The following PSMB5 variants were observed in gnomAD, a reference collection of about 807,000 sequenced individuals.
The protein encoded by PSMB5 is proteasome subunit beta type-5.
PSMB5 carries 2 observed loss-of-function variants against 22.8 expected under a neutral mutation model. The ratio of observed to expected loss-of-function variants is 0.09; its 90% CI spans 0.04 to 0.28. PSMB5 has a LOEUF of 0.28. Among genes scored for constraint, PSMB5 ranks in the 10% least tolerant of loss-of-function variants. The pLI, the probability that PSMB5 is intolerant of heterozygous loss-of-function variation, is 1.00. For missense variants in PSMB5, 269 were observed against 343.8 expected, an observed-to-expected ratio of 0.78 and a Z score of 1.72; for synonymous variants, 133 against 135.3, an observed-to-expected ratio of 0.98 and a Z score of 0.12.
intron 2 of PSMB5, chr14:23,027,872 A>C (rs940229643): frequency 1.4e-6 from 2 of 1,462,074 alleles, no homozygotes; most frequent in Admixed American, 4.0e-5. Flanking sequence ...GGCCAGGCGC[A>C]GTGGCTCAAA....
intron 1 of PSMB5, 40 bp from the exon 2 acceptor site, chr14:23,033,714 G>A: frequency 6.4e-7 from 1 of 1,564,332 alleles, no homozygotes; most frequent in Non-Finnish European, 8.7e-7. Context: ...GGCCACATAA[G>A]ACCACAAAAA....
intron 1 of PSMB5, chr14:23,034,479 C>T: frequency 1.6e-6 from 1 of 614,492 alleles, no homozygotes; most frequent in Non-Finnish European, 2.8e-6. Context: ...GACTTACCCC[C>T]GGCCCCACCG....
chr14:23,027,375 T>C (rs1178552981), intron 2 of PSMB5, among the ~76,000 whole-genome samples: 28 of 135,736 alleles, frequency 2.1e-4, no homozygotes, highest in Non-Finnish European at 3.9e-4. Flanking sequence ...AGCAAGACTT[T>C]GTCTCAAAAA....
intron 2 of PSMB5, among the ~76,000 whole-genome samples, chr14:23,028,834 G>A (rs190115350): frequency 6.6e-6 from 1 of 152,154 alleles, no homozygotes; most frequent in African/African-American, 2.4e-5. Flanking sequence ...CTGCCTACTG[G>A]ATCCCTCCAG....
chr14:23,034,141 A>C (rs1359957004), intron 1 of PSMB5, among the ~76,000 whole-genome samples: 2 of 151,898 alleles, frequency 1.3e-5, no homozygotes, highest in African/African-American at 4.8e-5. Flanking sequence ...AAAAAAAAAA[A>C]CAAATCATTT....
At chr14:23,033,211 T>C (rs2046966392) in intron 2 of PSMB5, among the ~76,000 whole-genome samples, 157 bp downstream of exon 2, 1 of 149,502 alleles carries the variant, frequency 6.7e-6, no homozygotes, top group Non-Finnish European at 1.5e-5. Context: ...TGAGACACAG[T>C]CTAAAAAAAC....
At chr14:23,027,711 A>C (rs967061398) in intron 2 of PSMB5, 1 of 1,449,210 alleles carries the variant, frequency 6.9e-7, no homozygotes, top group African/African-American at 1.4e-5. Flanking sequence ...TCTACAACAT[A>C]CCACCCCATC....
chr14:23,033,067 G>T (rs974688446), intron 2 of PSMB5, among the ~76,000 whole-genome samples: 12 of 150,490 alleles, frequency 8.0e-5, no homozygotes, highest in Non-Finnish European at 1.0e-4. Flanking sequence ...CCACCACGCC[G>T]GGCTAATTTT....
intron 2 of PSMB5, chr14:23,027,885 C>T (rs1281061687): frequency 2.0e-5 from 27 of 1,380,618 alleles, no homozygotes; most frequent in Non-Finnish European, 2.2e-5. Context: ...GGCTCAAACC[C>T]GTAATCCCAG....
chr14:23,029,276 G>C (rs1036869035), intron 2 of PSMB5, among the ~76,000 whole-genome samples: 1 of 148,328 alleles, frequency 6.7e-6, no homozygotes, highest in East Asian at 1.9e-4. Flanking sequence ...CTTGCCTAGA[G>C]GGGGGTCATC....
chr14:23,028,648 A>T (rs1257923981), intron 2 of PSMB5, among the ~76,000 whole-genome samples: 1 of 152,172 alleles, frequency 6.6e-6, no homozygotes, highest in African/African-American at 2.4e-5. Flanking sequence ...ATGTTATTGG[A>T]ACAGAGCCAC....
intron 2 of PSMB5, among the ~76,000 whole-genome samples, chr14:23,029,996 T>C (rs576006587): frequency 2.0e-5 from 3 of 151,980 alleles, no homozygotes; most frequent in African/African-American, 7.2e-5. Context: ...TTAGCCAGGA[T>C]GGTCTCGATC....
At position 23,026,277 on chromosome 14, in the gene PSMB5, A is replaced by G; in HGVS notation, c.604T>C (p.Tyr202His). Reference sequence around the variant, plus strand: ...TGCTCCACTTCCAGGTCATAGGAATAGCCCCGATCCATGACCCCATATGCA... The same window carrying G: ...TGCTCCACTTCCAGGTCATAGGAATGGCCCCGATCCATGACCCCATATGCA... ...VYAYGVMDRG[Y>H]SYDLEVEQAY... The change falls in exon 3 of 3, where the codon TAT becomes CAT. Residue 202 changes from tyrosine (Y) to histidine (H), a missense_variant. Tyr to His is a moderately conservative substitution (Grantham distance 83, BLOSUM62 2). Coordinates refer to ENST00000361611, the MANE Select transcript of PSMB5 (RefSeq NM_002797.5). 6.2e-7 allele frequency: 1 copy of G among 1,614,112 alleles called. No individual in the cohort carries two copies. The highest frequency in any genetic ancestry group is 1.7e-5 in the Admixed American group (1 of 60,012).
At chr14:23,029,126 C>T (rs1387560634) in intron 2 of PSMB5, among the ~76,000 whole-genome samples, 2 of 152,078 alleles carry the variant, frequency 1.3e-5, no homozygotes, top group East Asian at 1.9e-4. Context: ...AGGTATGGAA[C>T]TTGTTTTTTA....
chr14:23,027,787 TAC>T, intron 2 of PSMB5: 1 of 1,548,604 alleles, frequency 6.5e-7, no homozygotes, highest in Non-Finnish European at 8.7e-7. Context: ...ACAAAACAAG[TAC>T]ATTCCAAATG....
intron 2 of PSMB5, among the ~76,000 whole-genome samples, chr14:23,028,443 T>A (rs1322923006): frequency 6.6e-6 from 1 of 152,252 alleles, no homozygotes; most frequent in Admixed American, 6.5e-5. Context: ...GCATTTGAAA[T>A]GAACTAGTAC....
At chr14:23,030,956 T>A (rs74039824) in intron 2 of PSMB5, among the ~76,000 whole-genome samples, 13,157 of 152,066 alleles carry the variant, frequency 0.087, 620 homozygotes, top group Middle Eastern at 0.14. Context: ...ATAAATAAAT[T>A]GGTCCTCTGT....
intron 2 of PSMB5, 146 bp downstream of exon 2, chr14:23,033,222 A>AG (rs2046966511): frequency 1.2e-6 from 1 of 867,596 alleles, no homozygotes. Context: ...CTAAAAAAAC[A>AG]GGAAAAAAAA....
intron 1 of PSMB5, 166 bp downstream of exon 1, chr14:23,034,518 G>A (rs2046977455): frequency 2.6e-6 from 2 of 765,536 alleles, no homozygotes; most frequent in African/African-American, 1.8e-5. Flanking sequence ...GCAAAGACAG[G>A]GGCCTCCTGG....
Sources: allele counts gnomAD v4.1 joint callset (sites outside exome capture counted in the v4.1 genomes callset), GRCh38; gene constraint gnomAD v4.1.1; transcripts MANE v1.5; gene names NCBI Gene and HGNC (gene_info 2026-07-23, HGNC 2026-07-21).